Variants in ASTN2 observed in about 807,000 individuals in gnomAD.
ASTN2 encodes the protein astrotactin 2, also known as astrotactin-2.
ASTN2 carries 54 observed loss-of-function variants against 139.8 expected under a neutral mutation model. The ratio of observed to expected loss-of-function variants is 0.39; its 90% CI spans 0.31 to 0.48. ASTN2 has a LOEUF of 0.48. Among genes scored for constraint, ASTN2 ranks in the 20% least tolerant of loss-of-function variants. The pLI is 0.95. For missense variants in ASTN2, 1,565 were observed against 1,725.1 expected (o/e 0.91, Z 1.64); for synonymous variants, 756 against 719.5 (o/e 1.05, Z -0.81).
chr9:117,212,743 T>C (rs944528706), intron 3 of ASTN2, among the ~76,000 whole-genome samples: 1 of 152,170 alleles, frequency 6.6e-6, no homozygotes, highest in Admixed American at 6.5e-5. Context: ...TGAGGTATAA[T>C]CTCATCTCAG....
intron 5 of ASTN2, among the ~76,000 whole-genome samples, chr9:117,049,281 A>C (rs1430748716): frequency 2.6e-5 from 4 of 152,108 alleles, no homozygotes; most frequent in Non-Finnish European, 4.4e-5. Context: ...TTCTATGTTC[A>C]CAAAATTTTG....
intron 17 of ASTN2, among the ~76,000 whole-genome samples, chr9:116,640,731 G>T (rs1249833466): frequency 6.6e-6 from 1 of 152,194 alleles, no homozygotes; most frequent in Non-Finnish European, 1.5e-5. Context: ...AAGAGCAACT[G>T]GAAGTCGATA....
At chr9:116,948,451 T>C (rs557380866) in intron 10 of ASTN2, among the ~76,000 whole-genome samples, 8 of 152,278 alleles carry the variant, frequency 5.3e-5, no homozygotes, top group African/African-American at 1.4e-4. Flanking sequence ...TTTGAACATG[T>C]TTCCATACTT....
intron 16 of ASTN2, among the ~76,000 whole-genome samples, chr9:116,711,099 G>A (rs1260791339): frequency 2.0e-5 from 3 of 152,276 alleles, no homozygotes; most frequent in East Asian, 1.9e-4. Flanking sequence ...CAAATATACC[G>A]TAGACCCTGC....
At chr9:117,375,551 A>G (rs954799775) in intron 1 of ASTN2, among the ~76,000 whole-genome samples, 1 of 152,242 alleles carries the variant, frequency 6.6e-6, no homozygotes, top group African/African-American at 2.4e-5. Context: ...AAATCCTATT[A>G]GAGTCATCAT....
At chr9:116,510,450 T>C (rs1437353730) in intron 19 of ASTN2, among the ~76,000 whole-genome samples, 2 of 152,144 alleles carry the variant, frequency 1.3e-5, no homozygotes, top group African/African-American at 4.8e-5. Context: ...GCCTCCAGCT[T>C]TGTTTTTTTG....
chr9:117,122,520 A>G (rs1829583071), intron 4 of ASTN2, among the ~76,000 whole-genome samples: 1 of 152,172 alleles, frequency 6.6e-6, no homozygotes. Context: ...CAAGGATACA[A>G]GCTAAAAATA....
intron 5 of ASTN2, among the ~76,000 whole-genome samples, chr9:117,088,447 C>G (rs1230484952): frequency 6.6e-6 from 1 of 152,160 alleles, no homozygotes; most frequent in Non-Finnish European, 1.5e-5. Context: ...TCCCAAAGGC[C>G]TCCTCTGCAG....
At chr9:116,567,711 G>C (rs138847004) in intron 19 of ASTN2, among the ~76,000 whole-genome samples, 54 of 152,228 alleles carry the variant, frequency 3.5e-4, no homozygotes, top group Middle Eastern at 3.4e-3. Context: ...ACTATTTCAC[G>C]AAGAAGATGA....
At chr9:116,542,843 C>T (rs1379466059) in intron 19 of ASTN2, among the ~76,000 whole-genome samples, 1 of 151,928 alleles carries the variant, frequency 6.6e-6, no homozygotes, top group Non-Finnish European at 1.5e-5. Flanking sequence ...TTGCTTCAGC[C>T]TGGGAGGCAG....
chr9:116,947,310 T>C (rs887187122), intron 10 of ASTN2, among the ~76,000 whole-genome samples: 1 of 152,234 alleles, frequency 6.6e-6, no homozygotes, highest in East Asian at 1.9e-4. Context: ...ATAATGAATG[T>C]GAACGTCTCA....
At chr9:116,853,197 C>T (rs1399815608) in intron 11 of ASTN2, among the ~76,000 whole-genome samples, 2 of 151,892 alleles carry the variant, frequency 1.3e-5, no homozygotes, top group African/African-American at 4.8e-5. Context: ...GAAAGGGGGC[C>T]TTGAGTTTTT....
chr9:116,989,923 T>C (rs1406144760), intron 7 of ASTN2, among the ~76,000 whole-genome samples: 1 of 152,208 alleles, frequency 6.6e-6, no homozygotes, highest in African/African-American at 2.4e-5. Flanking sequence ...TTTCTCAACG[T>C]TGTTTTTGTC....
At chr9:117,373,024 G>A (rs957066156) in intron 1 of ASTN2, among the ~76,000 whole-genome samples, 9 of 152,136 alleles carry the variant, frequency 5.9e-5, no homozygotes, top group Admixed American at 4.6e-4. Context: ...GGATGATGGT[G>A]CTCCCTGATT....
chr9:116,659,109 A>G (rs945092932), intron 16 of ASTN2, among the ~76,000 whole-genome samples: 1 of 152,164 alleles, frequency 6.6e-6, no homozygotes, highest in Non-Finnish European at 1.5e-5. Context: ...TTCACAGACT[A>G]TATTTTGACT....
At chr9:117,189,836 G>C (rs542109682) in intron 3 of ASTN2, among the ~76,000 whole-genome samples, 9 of 152,178 alleles carry the variant, frequency 5.9e-5, no homozygotes, top group Non-Finnish European at 1.0e-4. Context: ...TTGAAAGAGA[G>C]TGGTATCCTT....
chr9:117,113,571 G>A (rs971371423), intron 4 of ASTN2, among the ~76,000 whole-genome samples: 3 of 152,104 alleles, frequency 2.0e-5, no homozygotes, highest in African/African-American at 7.2e-5. Flanking sequence ...CAGGAGAATC[G>A]CTTGAACACA....
At chr9:116,864,600 G>A (rs888874065) in intron 10 of ASTN2, among the ~76,000 whole-genome samples, 4 of 152,140 alleles carry the variant, frequency 2.6e-5, no homozygotes, top group African/African-American at 9.7e-5. Context: ...TTGCTCTGGG[G>A]TATATGATTC....
intron 4 of ASTN2, among the ~76,000 whole-genome samples, chr9:117,127,671 G>GTTTTTT (rs1829723218): frequency 1.0e-5 from 1 of 97,142 alleles, no homozygotes; most frequent in Admixed American, 1.1e-4. Flanking sequence ...TTTTTGTTTT[G>GTTTTTT]GTTTTTTTTT....
Sources: gnomAD v4.1 joint callset for allele counts (sites outside exome capture counted in the v4.1 genomes callset) on GRCh38, gnomAD v4.1.1 for gene constraint, MANE v1.5 for transcripts, NCBI Gene and HGNC (gene_info 2026-07-23, HGNC 2026-07-21) for gene names.